Variants in CHST9 observed in about 807,000 individuals in gnomAD.
CHST9 encodes GalNAc-4-sulfotransferase 2.
CHST9 carries 41 observed loss-of-function variants against 44.4 expected under a neutral mutation model. The observed-to-expected ratio is 0.92, with a 90% CI of 0.72 to 1.20. CHST9 has a LOEUF of 1.20. CHST9 is among the 50% of genes most tolerant of loss of function. The pLI, the probability that CHST9 is intolerant of heterozygous loss-of-function variation, is 0.00. For synonymous variants in CHST9, 171 were observed against 178.4 expected (o/e 0.96, Z 0.33); for missense variants, 504 against 516.5 (o/e 0.98, Z 0.23).
intron 5 of CHST9, among the ~76,000 whole-genome samples, chr18:26,921,768 T>A (rs1304693418): frequency 1.3e-5 from 2 of 152,202 alleles, no homozygotes; most frequent in African/African-American, 4.8e-5. Flanking sequence ...TGATTGTCCC[T>A]GAGGCAAACA....
intron 4 of CHST9, among the ~76,000 whole-genome samples, chr18:26,949,843 G>A (rs1024604543): frequency 1.5e-4 from 23 of 152,174 alleles, no homozygotes; most frequent in African/African-American, 5.3e-4. Flanking sequence ...GAGAGAAGGC[G>A]AGGTGGCAGT....
Position 26,944,409 on chromosome 18 carries a change from A to C in CHST9, c.203-43T>G, listed in dbSNP as rs1346730022. 3 of 1,377,832 alleles carry C rather than the reference A, an allele frequency of 2.2e-6. 1 individual carries two copies. Among genetic ancestry groups the C allele is most frequent in the Non-Finnish European group, 3.1e-6 (3 of 967,670 alleles). The allele number at this position is 1,377,832 out of a possible 1,614,324, so 85.4% of individuals were successfully genotyped here. A position where few individuals can be genotyped will look rare whatever the true frequency, so the allele number is the denominator to read the frequency against. On this transcript the variant is annotated intron_variant, in intron 4 of 5. Transcript: ENST00000618847. Reference sequence around the variant, plus strand: ...AAGAATTTTTACATTAAAGCATGAAAATGAATAAAATGCGGTACTGATGCT... The same window carrying C: ...AAGAATTTTTACATTAAAGCATGAACATGAATAAAATGCGGTACTGATGCT...
chr18:26,952,516 G>T, intron 4 of CHST9: 1 of 466,040 alleles, frequency 2.1e-6, no homozygotes, highest in Non-Finnish European at 4.2e-6. Context: ...AGTCCATCCA[G>T]CAGCACTTGG....
chr18:26,948,577 A>C (rs2056198975), intron 4 of CHST9, among the ~76,000 whole-genome samples: 1 of 152,206 alleles, frequency 6.6e-6, no homozygotes, highest in African/African-American at 2.4e-5. Flanking sequence ...AAACAATAAA[A>C]TATTCACACC....
chr18:27,150,791 A>T (rs953649459), intron 1 of CHST9, among the ~76,000 whole-genome samples: 1 of 152,176 alleles, frequency 6.6e-6, no homozygotes, highest in African/African-American at 2.4e-5. Context: ...TATGTATCCA[A>T]CAGCTTTACA....
In CHST9 at chr18:26,942,838, G is replaced by A. The variant is rs2056104297; in HGVS notation, c.240+1491C>T. ...TAATAAAGAAACTAAGGGCCGGCGTGGTGGCTCATAGCTGTAATCCCAGCA... is the reference window on the plus strand; with the variant it reads ...TAATAAAGAAACTAAGGGCCGGCGTAGTGGCTCATAGCTGTAATCCCAGCA... On this transcript the variant is annotated intron_variant, in intron 5 of 5. Transcript: ENST00000618847. Among the ~76,000 whole-genome samples the A allele has an allele frequency of 2.0e-5, 3 of 152,164 alleles. No individual in the cohort carries two copies. In the South Asian group the frequency reaches 6.2e-4, roughly 32 times the overall value.
chr18:27,062,319 AC>A (rs916649741), intron 2 of CHST9, among the ~76,000 whole-genome samples: 2 of 147,378 alleles, frequency 1.4e-5, no homozygotes, highest in African/African-American at 5.1e-5. Flanking sequence ...ACCTCCCCCC[AC>A]CCCATGACAG....
rs566285209 is a variant in CHST9 at position 27,095,297 on chromosome 18, A to T, written c.122-46794T>A. On this transcript the variant is annotated intron_variant, in intron 2 of 5. Transcript: ENST00000618847. ...ATCTAGCATGAAGATGAATAGAATA[A>T]TCTTTTAATGAAAATTAGGTTGATG... Among the ~76,000 whole-genome samples, 19 of 152,306 alleles carry T rather than the reference A, an allele frequency of 1.2e-4. 1 individual carries two copies. Among genetic ancestry groups the T allele is most frequent in the African/African-American group, 3.6e-4 (15 of 41,584 alleles).
intron 2 of CHST9, among the ~76,000 whole-genome samples, chr18:27,061,662 T>G (rs1453282957): frequency 6.8e-6 from 1 of 147,640 alleles, no homozygotes. Flanking sequence ...CCGAGGAGTG[T>G]TCAAAGGATT....
chr18:27,067,197 T>G (rs80163164), intron 2 of CHST9, among the ~76,000 whole-genome samples: 5,089 of 152,150 alleles, frequency 0.033, 237 homozygotes, highest in African/African-American at 0.1. Flanking sequence ...ATAACTTGGC[T>G]GGTAAACTGC....
chr18:27,049,595 G>A (rs906582590), intron 2 of CHST9, among the ~76,000 whole-genome samples: 1 of 151,918 alleles, frequency 6.6e-6, no homozygotes, highest in Non-Finnish European at 1.5e-5. Context: ...ACAAATCATC[G>A]AGGCAGAAAA....
chr18:27,143,821 T>A (rs1261295307), intron 1 of CHST9, among the ~76,000 whole-genome samples: 1 of 151,914 alleles, frequency 6.6e-6, no homozygotes, highest in Non-Finnish European at 1.5e-5. Flanking sequence ...AGGGAGAGCA[T>A]TAGGACAAAT....
chr18:26,946,695 A>T (rs1269019791), intron 4 of CHST9, among the ~76,000 whole-genome samples: 1 of 152,194 alleles, frequency 6.6e-6, no homozygotes, highest in African/African-American at 2.4e-5. Flanking sequence ...TAATTTTTGT[A>T]TAAGGTGTAA....
In CHST9 at chr18:27,137,214, TTTA is replaced by T. The variant is rs1352472606; in HGVS notation, c.121+5472_121+5474del. Among the ~76,000 whole-genome samples the T allele has an allele frequency of 4.0e-5, 6 of 151,122 alleles. No individual in the cohort carries two copies. In the East Asian group the frequency reaches 9.7e-4, roughly 24 times the overall value. Reference sequence around the variant, plus strand: ...ATTTATACATATAATGAATATATAATTTATTATTTATTAATTATATTGACTCAT... The same window carrying T: ...ATTTATACATATAATGAATATATAATTTATTTATTAATTATATTGACTCAT... On this transcript the variant is annotated intron_variant, in intron 2 of 5. Transcript: ENST00000618847.
chr18:27,149,476 C>T (rs28587549), intron 1 of CHST9, among the ~76,000 whole-genome samples: 3,134 of 152,084 alleles, frequency 0.021, 100 homozygotes, highest in African/African-American at 0.07. Flanking sequence ...CATGTCTTTG[C>T]TATTGTGAAT....
chr18:27,047,308 A>G (rs995287133), intron 3 of CHST9, among the ~76,000 whole-genome samples: 3 of 151,966 alleles, frequency 2.0e-5, no homozygotes, highest in Non-Finnish European at 4.4e-5. Context: ...GAAATTATTT[A>G]GAAATAATTT....
chr18:26,942,116 T>C (rs2056092396), intron 5 of CHST9, among the ~76,000 whole-genome samples: 1 of 152,170 alleles, frequency 6.6e-6, no homozygotes, highest in Non-Finnish European at 1.5e-5. Context: ...AAGTGGGTTT[T>C]CAAAAATGTT....
rs74366934 is a variant in CHST9 at position 27,031,719 on chromosome 18, T to A, written c.161-7562A>T. Among the ~76,000 whole-genome samples the A allele has an allele frequency of 4.2e-3, 640 of 152,318 alleles. 10 individuals carry two copies. The highest frequency in any genetic ancestry group is 0.025 in the Admixed American group (383 of 15,306). On this transcript the variant is annotated intron_variant, in intron 3 of 5. Transcript: ENST00000618847. ...GTGTAACTCAGAATTCTCTACAAAT[T>A]CTGAAAGTCCCCTGAATAGGCCACT...
intron 2 of CHST9, among the ~76,000 whole-genome samples, chr18:27,049,853 T>A (rs1286115924): frequency 6.6e-6 from 1 of 152,150 alleles, no homozygotes; most frequent in Non-Finnish European, 1.5e-5. Context: ...GAATGGGGCA[T>A]AAAGGCAGAC....
Sources: allele counts gnomAD v4.1 joint callset (sites outside exome capture counted in the v4.1 genomes callset), GRCh38; gene constraint gnomAD v4.1.1; transcripts MANE v1.5; gene names NCBI Gene and HGNC (gene_info 2026-07-23, HGNC 2026-07-21).